PIEZO2: variants seen among roughly 807,000 people sequenced by gnomAD.
PIEZO2 encodes the protein piezo-type mechanosensitive ion channel component 2.
Under a neutral mutation model 337.3 loss-of-function variants are expected in PIEZO2, and 172 were observed. The observed-to-expected ratio is 0.51, with a 90% CI of 0.45 to 0.58. The LOEUF (loss-of-function observed/expected upper bound fraction) is 0.58. PIEZO2 is among the 20% of genes least tolerant of loss of function. The pLI is 0.00. For synonymous variants in PIEZO2, 1,251 were observed against 1,228.5 expected (o/e 1.02, Z -0.38); for missense variants, 3,028 against 3,391.3 (o/e 0.89, Z 2.66).
intron 5 of PIEZO2, among the ~76,000 whole-genome samples, chr18:10,866,149 C>T (rs181457537): frequency 5.9e-5 from 9 of 152,210 alleles, no homozygotes; most frequent in African/African-American, 1.9e-4. Context: ...GTAATCATTT[C>T]GTTTAAATAG....
At chr18:10,939,951 T>A (rs1478062380) in intron 3 of PIEZO2, among the ~76,000 whole-genome samples, 2 of 151,872 alleles carry the variant, frequency 1.3e-5, no homozygotes, top group Non-Finnish European at 1.5e-5. Flanking sequence ...AAAAAAAAAA[T>A]ACCTCGGCAG....
chr18:11,054,290 C>T (rs2037639266), intron 2 of PIEZO2, among the ~76,000 whole-genome samples: 1 of 152,154 alleles, frequency 6.6e-6, no homozygotes, highest in African/African-American at 2.4e-5. Flanking sequence ...ATCCTGCAAT[C>T]CTAATTAAAT....
chr18:11,026,380 G>A (rs1057125459), intron 2 of PIEZO2, among the ~76,000 whole-genome samples: 2 of 152,090 alleles, frequency 1.3e-5, no homozygotes, highest in African/African-American at 4.8e-5. Flanking sequence ...CTCATCCACA[G>A]ACACAAAGTT....
intron 4 of PIEZO2, among the ~76,000 whole-genome samples, chr18:10,893,992 A>G (rs1417857584): frequency 6.6e-6 from 1 of 152,182 alleles, no homozygotes; most frequent in Non-Finnish European, 1.5e-5. Flanking sequence ...TGAGCATCAG[A>G]TGATGGTCAG....
At chr18:10,769,405 C>G (rs756339935) in intron 21 of PIEZO2, among the ~76,000 whole-genome samples, 3 of 152,138 alleles carry the variant, frequency 2.0e-5, no homozygotes, top group Non-Finnish European at 2.9e-5. Context: ...CTCTTAGCTA[C>G]CTATTTGTGA....
chr18:10,851,051 G>C (rs2041533466), intron 7 of PIEZO2, among the ~76,000 whole-genome samples: 1 of 151,888 alleles, frequency 6.6e-6, no homozygotes, highest in African/African-American at 2.4e-5. Flanking sequence ...TGGAGTCTCC[G>C]TGGTTATGAA....
In PIEZO2 at chr18:11,127,814, T is replaced by TGTGTGTGTGTGC; in HGVS notation, c.64+20710_64+20711insGCACACACACAC. Among the ~76,000 whole-genome samples, 1 of 151,076 alleles carries TGTGTGTGTGTGC rather than the reference T, an allele frequency of 6.6e-6. No homozygotes were observed. Reference sequence around the variant, plus strand: ...GTGTGTGTGTGTGCATGTGTGTGTGTGTGTGTGTGTGTATCCTATTAGTTC... The same window carrying TGTGTGTGTGTGC: ...GTGTGTGTGTGTGCATGTGTGTGTGTGTGTGTGTGTGCGTGTGTGTGTGTATCCTATTAGTTC... On this transcript the variant is annotated intron_variant, in intron 1 of 55. Transcript: ENST00000674853. This position sits in a 1 kb window ranked among gnomAD's most constrained non-coding sequence, Gnocchi z 4.5.
chr18:11,139,074 A>G (rs768135378), intron 1 of PIEZO2, among the ~76,000 whole-genome samples: 3 of 152,232 alleles, frequency 2.0e-5, no homozygotes, highest in Non-Finnish European at 4.4e-5. Flanking sequence ...GGAGCTATTC[A>G]TAAAAGCAAC....
intron 2 of PIEZO2, among the ~76,000 whole-genome samples, chr18:10,998,143 G>C (rs1359125626): frequency 6.6e-6 from 1 of 152,004 alleles, no homozygotes; most frequent in African/African-American, 2.4e-5. Flanking sequence ...TATAAACTTA[G>C]AATTTTATAC....
chr18:11,033,400 C>A lies in PIEZO2; in HGVS notation c.160+32727G>T, dbSNP rs894343721. ...CTGCCCACCTAAGGCAGACACGCCC[C>A]TGGATTTGTGTGAACATTCTATCTG... is the stretch of plus-strand genomic sequence containing the variant. On this transcript the variant is annotated intron_variant, in intron 2 of 55. Transcript: ENST00000674853. This position sits in a 1 kb window ranked among gnomAD's most constrained non-coding sequence, Gnocchi z 4.2. Among the ~76,000 whole-genome samples, 1 of 152,226 alleles carries A rather than the reference C, an allele frequency of 6.6e-6. No individual in the cohort carries two copies. The highest frequency in any genetic ancestry group is 1.5e-5 in the Non-Finnish European group (1 of 68,044).
chr18:10,800,265 A>G, intron 11 of PIEZO2, 72 bp downstream of exon 11: 1 of 1,473,452 alleles, frequency 6.8e-7, no homozygotes, highest in Non-Finnish European at 8.9e-7. Context: ...ATAAGCAACA[A>G]CAACAAAAAG....
At chr18:10,913,096 T>C (rs773357621) in intron 3 of PIEZO2, among the ~76,000 whole-genome samples, 3 of 152,160 alleles carry the variant, frequency 2.0e-5, no homozygotes, top group Non-Finnish European at 4.4e-5. Context: ...AATCCCTTTC[T>C]CAGGAATTCT....
chr18:10,695,930 C>T (rs923514562), intron 47 of PIEZO2, 144 bp downstream of exon 47: 18 of 768,498 alleles, frequency 2.3e-5, no homozygotes, highest in Non-Finnish European at 3.8e-5. Context: ...TGACCCAAAC[C>T]TTTAGCTCTT....
intron 1 of PIEZO2, among the ~76,000 whole-genome samples, chr18:11,100,452 C>T (rs1355948513): frequency 6.6e-6 from 1 of 152,224 alleles, no homozygotes; most frequent in Non-Finnish European, 1.5e-5. Flanking sequence ...GGAACTTAGC[C>T]AACTCCACAG....
At chr18:10,971,111 C>T (rs1339507735) in intron 3 of PIEZO2, among the ~76,000 whole-genome samples, 1 of 152,150 alleles carries the variant, frequency 6.6e-6, no homozygotes, top group Non-Finnish European at 1.5e-5. Context: ...AGCCATGGAA[C>T]ATTGACCAAC....
intron 3 of PIEZO2, among the ~76,000 whole-genome samples, chr18:10,975,989 C>G (rs2034428959): frequency 6.6e-6 from 1 of 152,124 alleles, no homozygotes; most frequent in Non-Finnish European, 1.5e-5. Context: ...GGATAAACTT[C>G]AAATTTGGGA....
At chr18:10,885,059 T>C (rs1049209833) in intron 4 of PIEZO2, among the ~76,000 whole-genome samples, 2 of 152,048 alleles carry the variant, frequency 1.3e-5, no homozygotes, top group Non-Finnish European at 2.9e-5. Flanking sequence ...TAGGAGAGGC[T>C]GATATGGAAG....
At chr18:10,857,382 G>A (rs1288050528) in intron 5 of PIEZO2, among the ~76,000 whole-genome samples, 171 bp from the exon 6 acceptor site, 3 of 152,008 alleles carry the variant, frequency 2.0e-5, no homozygotes, top group East Asian at 3.8e-4. Context: ...CCCCGTATAA[G>A]CCCAAGTAAC....
rs139874518 is a variant in PIEZO2 at position 10,859,308 on chromosome 18, G to C, written c.493-2097C>G. ...CCGTGGCCACTTCCGCTCCCCTAGA[G>C]AACAATTCCCATCTCATTCTCAGAG... On this transcript the variant is annotated intron_variant, in intron 5 of 55. Transcript: ENST00000674853. The surrounding 1 kb of genome is among the most constrained non-coding windows in gnomAD (Gnocchi z 4.9). Among the ~76,000 whole-genome samples, 8 of 152,316 alleles carry C rather than the reference G, an allele frequency of 5.3e-5. No individual in the cohort carries two copies. Among genetic ancestry groups the C allele is most frequent in the African/African-American group, 1.9e-4 (8 of 41,572 alleles).
Sources: allele counts gnomAD v4.1 joint callset (sites outside exome capture counted in the v4.1 genomes callset), GRCh38; gene constraint gnomAD v4.1.1; non-coding constraint Gnocchi (gnomAD v3.1); transcripts MANE v1.5; gene names NCBI Gene and HGNC (gene_info 2026-07-23, HGNC 2026-07-21).